The following HRG variants were observed in gnomAD, a reference collection of about 807,000 sequenced individuals.
The protein encoded by HRG is histidine rich glycoprotein.
A neutral mutation model predicts 29.5 loss-of-function variants in HRG; 26 were observed. The ratio of observed to expected loss-of-function variants is 0.88; its 90% confidence interval spans 0.65 to 1.22. The LOEUF (loss-of-function observed/expected upper bound fraction) is 1.22, where lower values mean the gene tolerates loss of function less well. Among genes scored for constraint, HRG ranks in the 50% most tolerant of loss-of-function variants. The pLI is 0.00. For missense variants in HRG, 671 were observed against 654.5 expected (o/e 1.03, Z -0.28); for synonymous variants, 243 against 240.4 (o/e 1.01, Z -0.10).
At position 186,677,970 on chromosome 3, in the gene HRG, C is replaced by A; in HGVS notation, c.*87C>A. 2 of 1,302,218 alleles carry A rather than the reference C, an allele frequency of 1.5e-6. No individual in the cohort carries two copies. The highest frequency in any genetic ancestry group is 1.3e-5 in the South Asian group (1 of 79,554). 80.7% of individuals were successfully genotyped at this position (1,302,218 alleles called of 1,614,324 possible). On this transcript the variant is annotated 3_prime_UTR_variant, in exon 7 of 7. Transcript: ENST00000232003. ...ACCAGTAATTGTGAAAATTACAGTT[C>A]TTTTCAACCTACTTTCATACTGAAG...
At position 186,677,560 on chromosome 3, in the gene HRG, C is replaced by A. The variant is rs1719043905; in HGVS notation, c.1255C>A (p.Pro419Thr). ...TTTCCAAGACTATGGACCTTGTGAC[C>A]CACCACCCCATAACCAAGGTCACTG... Reference protein sequence around the residue: ...HDFQDYGPCDPPPHNQGHCCH... With the variant: ...HDFQDYGPCDTPPHNQGHCCH... The change falls in exon 7 of 7, where the codon CCA becomes ACA. Residue 419 changes from proline (P) to threonine (T), a missense_variant. Transcript: ENST00000232003. 1.2e-6 allele frequency: 2 copies of A among 1,613,848 alleles called. No individual in the cohort carries two copies. The highest frequency in any genetic ancestry group is 1.7e-6 in the Non-Finnish European group (2 of 1,179,850).
chr3:186,666,272 A>G (rs752269020), intron 1 of HRG, 58 bp downstream of exon 1: 32 of 1,552,356 alleles, frequency 2.1e-5, no homozygotes, highest in Non-Finnish European at 2.7e-5. Flanking sequence ...GGCAAATGTG[A>G]CTCTACCCCC....
At chr3:186,666,317 T>G (rs1718609584) in intron 1 of HRG, 103 bp downstream of exon 1, 1 of 1,252,808 alleles carries the variant, frequency 8.0e-7, no homozygotes, top group Non-Finnish European at 1.2e-6. Flanking sequence ...ATGGCTTTGG[T>G]CAGAGTTTTT....
chr3:186,667,639 A>T (rs1718655729), intron 1 of HRG, among the ~76,000 whole-genome samples: 1 of 152,052 alleles, frequency 6.6e-6, no homozygotes, highest in Admixed American at 6.6e-5. Context: ...ATGCATGGGT[A>T]GGATTTGAAC....
chr3:186,673,333 A>G (rs1051925444), intron 5 of HRG: 1 of 236,422 alleles, frequency 4.2e-6, no homozygotes. Context: ...CAAACTCCTT[A>G]TCTCAGGTGT....
At chr3:186,675,556 T>C (rs747078462) in intron 6 of HRG, among the ~76,000 whole-genome samples, 6 of 152,158 alleles carry the variant, frequency 3.9e-5, no homozygotes, top group Admixed American at 2.6e-4. Context: ...AATTTGAAAA[T>C]GCTCTTTGTA....
chr3:186,677,433 C>G lies in HRG; in HGVS notation c.1128C>G (p.Thr376=). 1 of 1,598,808 alleles carries G rather than the reference C, an allele frequency of 6.3e-7. No homozygotes were observed. Among genetic ancestry groups the G allele is most frequent in the Non-Finnish European group, 8.5e-7 (1 of 1,172,428 alleles). ...PHAHHPHEHD[T]HRQHPHGHHP... ...CACACCATCCTCATGAACATGATAC[C>G]CATAGACAGCATCCCCATGGACACC... The change falls in exon 7 of 7, where the codon ACC becomes ACG. Residue 376 remains threonine (T), a synonymous_variant. Coordinates refer to ENST00000232003, the MANE Select transcript of HRG (RefSeq NM_000412.5).
chr3:186,673,229 G>C (rs1718863411), intron 5 of HRG: 1 of 346,950 alleles, frequency 2.9e-6, no homozygotes, highest in African/African-American at 2.1e-5. Flanking sequence ...TCAGCCTCCG[G>C]AGTAACTGGG....
In HRG at chr3:186,677,567, C is replaced by G. The variant is rs1719044542; in HGVS notation, c.1262C>G (p.Pro421Arg). Residue 421 changes from proline (P) to arginine (R), a missense_variant, in exon 7 of 7, where the codon CCC becomes CGC. Coordinates refer to ENST00000232003, the MANE Select transcript of HRG (RefSeq NM_000412.5). ...FQDYGPCDPP[P>R]HNQGHCCHGH... ...GACTATGGACCTTGTGACCCACCAC[C>G]CCATAACCAAGGTCACTGTTGCCAT... The G allele has an allele frequency of 6.2e-7, 1 of 1,614,070 alleles. No individual in the cohort carries two copies. Among genetic ancestry groups the G allele is most frequent in the South Asian group, 1.1e-5 (1 of 91,066 alleles).
intron 1 of HRG, chr3:186,666,850 T>G: frequency 6.5e-6 from 1 of 154,062 alleles, no homozygotes; most frequent in Non-Finnish European, 1.4e-5. Context: ...GAGGCAGAGG[T>G]TGCAGTGAGT....
chr3:186,677,039 T>C lies in HRG; in HGVS notation c.742-8T>C. 2.5e-6 allele frequency: 4 copies of C among 1,613,830 alleles called. No individual in the cohort carries two copies. Among genetic ancestry groups the C allele is most frequent in the Non-Finnish European group, 3.4e-6 (4 of 1,179,748 alleles). ...TGATGATAGGCACTTTTCTGTGACC[T>C]TTTCCAGGAACATGAGAACATCAAT... On this transcript the variant is annotated splice_polypyrimidine_tract_variant and splice_region_variant and intron_variant, in intron 6 of 6. Coordinates refer to ENST00000232003, the MANE Select transcript of HRG (RefSeq NM_000412.5).
intron 5 of HRG, 168 bp downstream of exon 5, chr3:186,673,035 G>C (rs1189568870): frequency 4.4e-6 from 3 of 686,588 alleles, no homozygotes; most frequent in Non-Finnish European, 7.9e-6. Flanking sequence ...GAAATACAAA[G>C]TATCATCTGG....
Position 186,677,592 on chromosome 3 carries a change from T to A in HRG, c.1287T>A (p.His429Gln). The part of the protein sequence containing the change: ...PPPHNQGHCC[H>Q]GHGPPPGHLR... ...CCCATAACCAAGGTCACTGTTGCCA[T>A]GGCCACGGCCCACCACCTGGGCACT... is the stretch of plus-strand genomic sequence containing the variant. Residue 429 changes from histidine to glutamine, a missense_variant, in exon 7 of 7, where the codon CAT becomes CAA. Coordinates refer to ENST00000232003, the MANE Select transcript of HRG (RefSeq NM_000412.5). 1 of 1,614,138 alleles carries A rather than the reference T, an allele frequency of 6.2e-7. No individual in the cohort carries two copies. Among genetic ancestry groups the A allele is most frequent in the Non-Finnish European group, 8.5e-7 (1 of 1,180,018 alleles).
At position 186,666,079 on chromosome 3, in the gene HRG, G is replaced by A. The variant is rs183341869; in HGVS notation, c.48G>A (p.Ser16=). 87 of 1,614,186 alleles carry A rather than the reference G, an allele frequency of 5.4e-5. No individual in the cohort carries two copies. In the East Asian group the frequency reaches 1.5e-3, roughly 28 times the overall value. The change falls in exon 1 of 7, where the codon TCG becomes TCA. Residue 16 remains serine (S), a synonymous_variant. Coordinates refer to ENST00000232003, the MANE Select transcript of HRG (RefSeq NM_000412.5). ...TGCTTTTGATCACATTGCAGTATTC[G>A]TGTGCCGTGAGTCCCACTGACTGCA... ...AALLLITLQY[S]CAVSPTDCSA...
At chr3:186,673,244 C>G in intron 5 of HRG, 1 of 330,928 alleles carries the variant, frequency 3.0e-6, no homozygotes, top group Non-Finnish European at 5.9e-6. Flanking sequence ...ACTGGGATTA[C>G]AGGCATGCAC....
At chr3:186,674,675 G>C in intron 5 of HRG, 1 of 335,782 alleles carries the variant, frequency 3.0e-6, no homozygotes, top group East Asian at 7.6e-5. Context: ...ATGCCCTCCT[G>C]TCCAACACTT....
chr3:186,670,131 A>G (rs1560039177), intron 3 of HRG, 103 bp downstream of exon 3: 3 of 749,808 alleles, frequency 4.0e-6, no homozygotes, highest in Non-Finnish European at 7.3e-6. Flanking sequence ...ATATATATTC[A>G]GATGTATTCA....
chr3:186,671,026 G>A (rs1394523572), intron 3 of HRG, among the ~76,000 whole-genome samples: 3 of 151,642 alleles, frequency 2.0e-5, no homozygotes, highest in Non-Finnish European at 2.9e-5. Flanking sequence ...TTAATGCTCT[G>A]TCTTCCCCCT....
chr3:186,672,826 G>T lies in HRG; in HGVS notation c.598G>T (p.Val200Leu), dbSNP rs116004251. 3,052 of 1,612,752 alleles carry T rather than the reference G, an allele frequency of 1.9e-3. 49 individuals are homozygous for T. The African/African-American group carries it at 0.032, about 17-fold the overall frequency. Residue 200 changes from valine to leucine, a missense_variant, in exon 5 of 7, where the codon GTG (valine) becomes TTG (leucine). By Grantham distance (32) the Val-to-Leu change is conservative. Transcript: ENST00000232003. The stretch of plus-strand genomic sequence containing the variant: ...AACTGGTTACTTCGTGGACTTCTCT[G>T]TGCGGAACTGCCCCAGACACCATTT... ...EGTGYFVDFS[V>L]RNCPRHHFPR...
Sources: allele counts gnomAD v4.1 joint callset (sites outside exome capture counted in the v4.1 genomes callset), GRCh38; gene constraint gnomAD v4.1.1; transcripts MANE v1.5; gene names NCBI Gene and HGNC (gene_info 2026-07-23, HGNC 2026-07-21).